Variants in GSE1 observed in about 807,000 individuals in gnomAD.
GSE1 encodes the protein Gse1 coiled-coil protein, also known as genetic suppressor element 1.
GSE1 carries 32 observed loss-of-function variants against 112.6 expected under a neutral mutation model. The ratio of observed to expected loss-of-function variants is 0.28; its 90% confidence interval spans 0.21 to 0.38. The LOEUF (loss-of-function observed/expected upper bound fraction) is 0.38. Ranked by LOEUF, GSE1 falls within the 10% of genes least tolerant of loss-of-function variation. The probability of loss-of-function intolerance (pLI) is 1.00; values close to 1 mark genes in which losing one functional copy is unlikely to be tolerated. For synonymous variants in GSE1, 1,115 were observed against 735.6 expected (o/e 1.52, Z -8.35); for missense variants, 2,348 against 1,699.2 (o/e 1.38, Z -6.71).
chr16:85,321,238 T>G (rs2046101128), intron 1 of GSE1, among the ~76,000 whole-genome samples: 1 of 152,242 alleles, frequency 6.6e-6, no homozygotes, highest in African/African-American at 2.4e-5. Context: ...GTAGCTCAAG[T>G]GTGCAGGCTT....
At chr16:85,216,058 C>A (rs1283718872) in intron 1 of GSE1, among the ~76,000 whole-genome samples, 3 of 152,232 alleles carry the variant, frequency 2.0e-5, no homozygotes, top group Non-Finnish European at 2.9e-5. Flanking sequence ...AGGGGCAAGC[C>A]CCTCCTGTCC....
chr16:85,640,161 G>C (rs953181093), intron 2 of GSE1, among the ~76,000 whole-genome samples: 2 of 152,134 alleles, frequency 1.3e-5, no homozygotes, highest in Non-Finnish European at 2.9e-5. Context: ...AGCTGGGGTT[G>C]GGCGCACAAG....
At chr16:85,627,268 TG>T (rs2049160202) in intron 1 of GSE1, among the ~76,000 whole-genome samples, 3 of 151,566 alleles carry the variant, frequency 2.0e-5, no homozygotes, top group African/African-American at 7.3e-5. Context: ...TGCTGTGGGC[TG>T]CTGCTTCATT....
At chr16:85,485,315 C>T (rs906924496) in intron 2 of GSE1, among the ~76,000 whole-genome samples, 2 of 152,226 alleles carry the variant, frequency 1.3e-5, no homozygotes. Flanking sequence ...GAGACAGGAG[C>T]CTGCAGTCAC....
intron 1 of GSE1, among the ~76,000 whole-genome samples, chr16:85,572,680 C>G (rs568064139): frequency 3.5e-4 from 54 of 152,324 alleles, no homozygotes; most frequent in Non-Finnish European, 5.6e-4. Context: ...CTCCGGAACC[C>G]AGTTCTCCTC....
intron 1 of GSE1, among the ~76,000 whole-genome samples, chr16:85,223,762 G>A (rs1169557052): frequency 1.3e-5 from 2 of 151,200 alleles, no homozygotes; most frequent in Admixed American, 6.6e-5. Flanking sequence ...GCGCCACCAT[G>A]CCCAGCTAAT....
chr16:85,204,351 C>T (rs189841077), intron 1 of GSE1, among the ~76,000 whole-genome samples: 117 of 152,362 alleles, frequency 7.7e-4, no homozygotes, highest in African/African-American at 2.7e-3. Context: ...TATCCATCAT[C>T]AGCCCGTGGG....
At chr16:85,309,575 A>G (rs2045775438) in intron 1 of GSE1, among the ~76,000 whole-genome samples, 1 of 152,252 alleles carries the variant, frequency 6.6e-6, no homozygotes. Flanking sequence ...AACTCAGCAC[A>G]TCCAAAATAG....
chr16:85,585,631 C>G (rs186863638), intron 1 of GSE1, among the ~76,000 whole-genome samples: 3 of 152,346 alleles, frequency 2.0e-5, no homozygotes, highest in Admixed American at 2.0e-4. Flanking sequence ...TCATTGCAGT[C>G]TGCTGCAGGG....
chr16:85,241,291 G>A (rs1367010782), intron 1 of GSE1, among the ~76,000 whole-genome samples: 1 of 152,246 alleles, frequency 6.6e-6, no homozygotes, highest in African/African-American at 2.4e-5. Flanking sequence ...GTGGTGAGGA[G>A]TCGGTGCTGG....
At chr16:85,595,732 C>G (rs1422489668) in intron 1 of GSE1, 2 of 151,688 alleles carry the variant, frequency 1.3e-5, no homozygotes, top group African/African-American at 4.9e-5. Flanking sequence ...ATTCCTCTCT[C>G]TATCCCCACA....
At chr16:85,393,939 G>T (rs1428481478) in intron 2 of GSE1, among the ~76,000 whole-genome samples, 1 of 152,120 alleles carries the variant, frequency 6.6e-6, no homozygotes, top group Non-Finnish European at 1.5e-5. Flanking sequence ...ACTGGGGCGG[G>T]GCTGGGCTGG....
chr16:85,225,965 T>C (rs1226501925), intron 1 of GSE1, among the ~76,000 whole-genome samples: 1 of 152,180 alleles, frequency 6.6e-6, no homozygotes, highest in African/African-American at 2.4e-5. Context: ...GGCTCTTTTG[T>C]GGCTGTTGGC....
chr16:85,456,663 C>T (rs1006972403), intron 2 of GSE1, among the ~76,000 whole-genome samples: 3 of 141,774 alleles, frequency 2.1e-5, no homozygotes, highest in African/African-American at 7.9e-5. Context: ...TGCTCTGCTT[C>T]CAGAAGGGAC....
intron 1 of GSE1, among the ~76,000 whole-genome samples, chr16:85,197,331 A>C (rs1597778479): frequency 6.6e-6 from 1 of 152,172 alleles, no homozygotes; most frequent in African/African-American, 2.4e-5. Flanking sequence ...GATGAGGCTC[A>C]CTAGCCACAG....
At chr16:85,454,715 G>A (rs1412861014) in intron 2 of GSE1, among the ~76,000 whole-genome samples, 1 of 152,170 alleles carries the variant, frequency 6.6e-6, no homozygotes, top group African/African-American at 2.4e-5. Context: ...GCCATGCTTG[G>A]CAAGGAGGCT....
chr16:85,549,471 C>G (rs2044827422), intron 2 of GSE1, among the ~76,000 whole-genome samples: 1 of 152,230 alleles, frequency 6.6e-6, no homozygotes, highest in African/African-American at 2.4e-5. Context: ...AGCCACTGCA[C>G]CTGGCCATGT....
chr16:85,397,831 C>T (rs939873179), intron 2 of GSE1, among the ~76,000 whole-genome samples: 1 of 152,192 alleles, frequency 6.6e-6, no homozygotes, highest in African/African-American at 2.4e-5. Context: ...TCAGGAGCTT[C>T]CCCTGGGATC....
intron 14 of GSE1, among the ~76,000 whole-genome samples, chr16:85,669,493 G>A (rs145456017): frequency 8.5e-4 from 129 of 152,192 alleles, no homozygotes; most frequent in Non-Finnish European, 1.5e-3. Flanking sequence ...ATCAAATCCC[G>A]TATTTTGTTT....
Sources: allele counts gnomAD v4.1 joint callset (sites outside exome capture counted in the v4.1 genomes callset), GRCh38; gene constraint gnomAD v4.1.1; transcripts MANE v1.5; gene names NCBI Gene and HGNC (gene_info 2026-07-23, HGNC 2026-07-21).